WWOX: variants seen among roughly 807,000 people sequenced by gnomAD.
WWOX encodes WW domain-containing oxidoreductase.
WWOX carries 69 observed loss-of-function variants against 46.2 expected under a neutral mutation model. That is an observed-to-expected ratio of 1.49 (90% CI 1.23 to 1.82). The LOEUF is 1.82. Among genes scored for constraint, WWOX ranks in the 40% most tolerant of loss-of-function variants. The pLI, the probability that WWOX is intolerant of heterozygous loss-of-function variation, is 0.00. For synonymous variants in WWOX, 359 were observed against 202.6 expected, an observed-to-expected ratio of 1.77 and a Z score of -6.56; for missense variants, 919 against 542.6, an observed-to-expected ratio of 1.69 and a Z score of -6.89.
intron 8 of WWOX, among the ~76,000 whole-genome samples, chr16:78,660,227 T>C (rs1184278511): frequency 1.3e-5 from 2 of 152,128 alleles, no homozygotes; most frequent in Admixed American, 1.3e-4. Context: ...GGGAGGTTAT[T>C]ATTACCTTAA....
In WWOX at chr16:78,557,659, C is replaced by G. The variant is rs142897149; in HGVS notation, c.1056+124907C>G. ...TTATTTTTCATTTTGCCCGGAAATGCGACACATAAGTGCATTCCTCTAGGG... is the reference window on the plus strand; with the variant it reads ...TTATTTTTCATTTTGCCCGGAAATGGGACACATAAGTGCATTCCTCTAGGG... On this transcript the variant is annotated intron_variant, in intron 8 of 8. Transcript: ENST00000566780. Among the ~76,000 whole-genome samples the G allele has an allele frequency of 3.8e-3, 549 of 146,274 alleles. 2 individuals are homozygous for G. The highest frequency in any genetic ancestry group is 0.014 in the African/African-American group (519 of 38,184).
At position 78,283,109 on chromosome 16, in the gene WWOX, G is replaced by C. The variant is rs372978735; in HGVS notation, c.517-103751G>C. ...AGCCTCTCAAGTGGGGCAGGAAGGG[G>C]TAGCTGTGAGATACTAGCTAATTCT... On this transcript the variant is annotated intron_variant, in intron 5 of 8. Transcript: ENST00000566780. Among the ~76,000 whole-genome samples, 53 of 152,208 alleles carry C rather than the reference G, an allele frequency of 3.5e-4. No homozygotes were observed. The South Asian group carries it at 0.011, about 30-fold the overall frequency.
chr16:78,100,576 A>G (rs780823360), intron 1 of WWOX, among the ~76,000 whole-genome samples: 4 of 152,224 alleles, frequency 2.6e-5, no homozygotes, highest in Non-Finnish European at 5.9e-5. Context: ...TAGCAGTCCT[A>G]GATAGCTTCA....
In WWOX at chr16:78,453,542, G is replaced by C. The variant is rs570875023; in HGVS notation, c.1056+20790G>C. 3.9e-5 allele frequency among the ~76,000 whole-genome samples: 6 copies of C among 152,282 alleles called. No homozygotes were observed. In the South Asian group the frequency reaches 1.2e-3, roughly 32 times the overall value. On this transcript the variant is annotated intron_variant, in intron 8 of 8. Coordinates refer to ENST00000566780, the MANE Select transcript of WWOX (RefSeq NM_016373.4). ...CAGTAAGGACTCAATACGTGGGTTT[G>C]TTCAAGTTATATTGTGCAGACAGGC...
At chr16:79,185,286 A>G (rs1234106691) in intron 8 of WWOX, among the ~76,000 whole-genome samples, 2 of 152,258 alleles carry the variant, frequency 1.3e-5, no homozygotes, top group Non-Finnish European at 2.9e-5. Context: ...CAATAAGAGC[A>G]GAGGCAGTCT....
chr16:78,537,904 G>C (rs2043797896), intron 8 of WWOX, among the ~76,000 whole-genome samples: 1 of 152,178 alleles, frequency 6.6e-6, no homozygotes, highest in Admixed American at 6.5e-5. Context: ...CGCGGTGCCA[G>C]TGAGAGCTGC....
chr16:78,854,982 A>G (rs1019526802), intron 8 of WWOX, among the ~76,000 whole-genome samples: 11 of 151,914 alleles, frequency 7.2e-5, no homozygotes, highest in African/African-American at 2.4e-5. Context: ...TGGCTTCTCA[A>G]ATTTACACTC....
At chr16:78,765,510 C>G (rs902924108) in intron 8 of WWOX, among the ~76,000 whole-genome samples, 4 of 152,148 alleles carry the variant, frequency 2.6e-5, no homozygotes, top group African/African-American at 9.7e-5. Flanking sequence ...GAAACCCCAT[C>G]TCTACTAAAA....
chr16:78,691,813 G>T (rs917293847), intron 8 of WWOX, among the ~76,000 whole-genome samples: 1 of 152,198 alleles, frequency 6.6e-6, no homozygotes, highest in African/African-American at 2.4e-5. Flanking sequence ...ATATGGTTTG[G>T]ATGTGTCCCC....
chr16:79,090,374 T>C (rs922043987), intron 8 of WWOX, among the ~76,000 whole-genome samples: 1 of 152,002 alleles, frequency 6.6e-6, no homozygotes, highest in African/African-American at 2.4e-5. Context: ...GTTATATATT[T>C]CATTCATTCA....
chr16:78,436,411 A>C (rs781542738), intron 8 of WWOX, among the ~76,000 whole-genome samples: 2 of 152,204 alleles, frequency 1.3e-5, no homozygotes, highest in African/African-American at 2.4e-5. Flanking sequence ...TCTGACCTTG[A>C]GTGATTAGAA....
chr16:78,130,564 G>C (rs2033548471), intron 4 of WWOX, among the ~76,000 whole-genome samples: 1 of 152,220 alleles, frequency 6.6e-6, no homozygotes, highest in Non-Finnish European at 1.5e-5. Flanking sequence ...GAACAGAGCT[G>C]TTCCTATAGG....
chr16:78,495,145 C>CTTTT (rs71140804), intron 8 of WWOX, among the ~76,000 whole-genome samples: 2 of 116,608 alleles, frequency 1.7e-5, no homozygotes, highest in East Asian at 2.6e-4. Context: ...CTGTTGTGTT[C>CTTTT]TTTTTTTTTT....
intron 8 of WWOX, among the ~76,000 whole-genome samples, chr16:78,976,826 C>G (rs1038680859): frequency 6.6e-6 from 1 of 152,124 alleles, no homozygotes; most frequent in Non-Finnish European, 1.5e-5. Context: ...GTCTTTAATG[C>G]CTGGTTCAGT....
intron 6 of WWOX, among the ~76,000 whole-genome samples, chr16:78,407,789 G>T (rs997289591): frequency 6.6e-6 from 1 of 152,130 alleles, no homozygotes; most frequent in African/African-American, 2.4e-5. Flanking sequence ...TGATTCAAAC[G>T]TATCCATCCA....
chr16:78,816,937 A>G (rs2051345862), intron 8 of WWOX, among the ~76,000 whole-genome samples: 1 of 152,120 alleles, frequency 6.6e-6, no homozygotes, highest in Non-Finnish European at 1.5e-5. Context: ...AGAGTAAGTT[A>G]TTATTAGACA....
chr16:78,348,649 G>C lies in WWOX; in HGVS notation c.517-38211G>C. ...ATTACTACATTTTCTGTAGAGACGG[G>C]CTTTCCCCATGTTGCCCAGGCTGGT... On this transcript the variant is annotated intron_variant, in intron 5 of 8. Coordinates refer to ENST00000566780, the MANE Select transcript of WWOX (RefSeq NM_016373.4). Among the ~76,000 whole-genome samples the C allele has an allele frequency of 1.7e-5, 2 of 118,800 alleles. 1 individual carries two copies. Among genetic ancestry groups the C allele is most frequent in the Non-Finnish European group, 4.0e-5 (2 of 49,998 alleles). The allele number at this position is 118,800 out of a possible 152,430, so 77.9% of individuals were successfully genotyped here. A position where few individuals can be genotyped will look rare whatever the true frequency, so the allele number is the denominator to read the frequency against.
At chr16:78,880,223 T>A (rs1426570977) in intron 8 of WWOX, among the ~76,000 whole-genome samples, 1 of 152,218 alleles carries the variant, frequency 6.6e-6, no homozygotes, top group Non-Finnish European at 1.5e-5. Flanking sequence ...TTTGCAGTTT[T>A]CTCTCTTATT....
intron 8 of WWOX, among the ~76,000 whole-genome samples, chr16:78,865,327 A>C (rs1383316979): frequency 1.3e-5 from 2 of 151,996 alleles, no homozygotes; most frequent in Non-Finnish European, 2.9e-5. Flanking sequence ...AACTTGCAAG[A>C]CTTATTAAAT....
Sources: allele counts gnomAD v4.1 joint callset (sites outside exome capture counted in the v4.1 genomes callset), GRCh38; gene constraint gnomAD v4.1.1; transcripts MANE v1.5; gene names NCBI Gene and HGNC (gene_info 2026-07-23, HGNC 2026-07-21).